Variants in SENP6 observed in about 807,000 individuals in gnomAD.
SENP6 encodes the protein SUMO specific peptidase 6.
In SENP6, 41 loss-of-function variants were observed where a neutral mutation model predicts 134.5. The ratio of observed to expected loss-of-function variants is 0.30; its 90% CI spans 0.24 to 0.40. The LOEUF (loss-of-function observed/expected upper bound fraction) is 0.40. Ranked by LOEUF, SENP6 falls within the 10% of genes least tolerant of loss-of-function variation. The pLI is 1.00. For synonymous variants in SENP6, 395 were observed against 429.8 expected (o/e 0.92, Z 1.00); for missense variants, 1,248 against 1,312.5 (o/e 0.95, Z 0.76).
rs1409098464 is a variant in SENP6, at chr6:75,663,867, A to G, written c.994+349A>G. Among the ~76,000 whole-genome samples the G allele has an allele frequency of 2.6e-5, 4 of 151,468 alleles. No individual in the cohort carries two copies. In the East Asian group the frequency reaches 7.7e-4, roughly 29 times the overall value. ...TAACATAAAGTATGCATAGCCCAAT[A>G]AAATATTTGACATACAATATCCTTA... is the stretch of plus-strand genomic sequence containing the variant. On this transcript the variant is annotated intron_variant, in intron 9 of 23. Coordinates refer to ENST00000447266, the MANE Select transcript of SENP6 (RefSeq NM_015571.4).
intron 1 of SENP6, among the ~76,000 whole-genome samples, chr6:75,612,241 T>A (rs1449813000): frequency 6.6e-6 from 1 of 152,160 alleles, no homozygotes; most frequent in Non-Finnish European, 1.5e-5. Flanking sequence ...CTTTGGAAAA[T>A]CTTGATAGTT....
rs549797280 is a variant in SENP6 at position 75,603,951 on chromosome 6, G to A, written c.52+1375G>A. 1.6e-4 allele frequency among the ~76,000 whole-genome samples: 24 copies of A among 152,270 alleles called. No homozygotes were observed. In the South Asian group the frequency reaches 4.1e-3, roughly 26 times the overall value. ...CGTATTACCTCCATTCCAGTTTGCG[G>A]AATGGGTACCTGTCGAGGCTGAGAG... On this transcript the variant is annotated intron_variant, in intron 1 of 23. Coordinates refer to ENST00000447266, the MANE Select transcript of SENP6 (RefSeq NM_015571.4).
At chr6:75,667,217 C>A (rs898361867) in intron 10 of SENP6, among the ~76,000 whole-genome samples, 2 of 152,122 alleles carry the variant, frequency 1.3e-5, no homozygotes, top group African/African-American at 2.4e-5. Context: ...CTTATAAAAT[C>A]TAGCAGAGGA....
At chr6:75,703,125 T>G in intron 19 of SENP6, 53 bp downstream of exon 19, 4 of 1,390,012 alleles carry the variant, frequency 2.9e-6, no homozygotes, top group Non-Finnish European at 3.9e-6. Flanking sequence ...AATCTGGATT[T>G]TTTAATAAAC....
chr6:75,651,360 T>C (rs1048288234), intron 7 of SENP6, among the ~76,000 whole-genome samples: 1 of 152,186 alleles, frequency 6.6e-6, no homozygotes, highest in African/African-American at 2.4e-5. Flanking sequence ...CTTTTGCTTT[T>C]TGTTCGTTTT....
chr6:75,700,427 G>A (rs949114193), intron 18 of SENP6, among the ~76,000 whole-genome samples: 2 of 152,202 alleles, frequency 1.3e-5, no homozygotes, highest in South Asian at 4.1e-4. Flanking sequence ...ATTAAGAACT[G>A]TGATAGGCTT....
At chr6:75,673,004 T>A (rs1391189695) in intron 11 of SENP6, among the ~76,000 whole-genome samples, 1 of 152,072 alleles carries the variant, frequency 6.6e-6, no homozygotes, top group African/African-American at 2.4e-5. Context: ...ATTTTTTGTA[T>A]TTTTAGTAGA....
chr6:75,688,117 C>A (rs980503847), intron 16 of SENP6, among the ~76,000 whole-genome samples: 7 of 152,234 alleles, frequency 4.6e-5, no homozygotes, highest in Non-Finnish European at 7.3e-5. Flanking sequence ...TGCCCCTCCC[C>A]CAGTCAGGCT....
intron 18 of SENP6, among the ~76,000 whole-genome samples, chr6:75,698,919 G>A (rs527854393): frequency 5.3e-5 from 8 of 151,612 alleles, no homozygotes; most frequent in Non-Finnish European, 1.2e-4. Flanking sequence ...GCTGAGGCAG[G>A]AGGATCGCCT....
intron 16 of SENP6, among the ~76,000 whole-genome samples, chr6:75,691,121 G>A (rs1169076901): frequency 6.6e-6 from 1 of 150,912 alleles, no homozygotes; most frequent in Non-Finnish European, 1.5e-5. Flanking sequence ...GGAATTACAG[G>A]CGATTACCAT....
Position 75,663,531 on chromosome 6 carries a change from C to T in SENP6, c.994+13C>T, listed in dbSNP as rs776373398. The T allele has an allele frequency of 2.6e-5, 41 of 1,590,884 alleles. No individual in the cohort carries two copies. The highest frequency in any genetic ancestry group is 4.3e-4 in the Middle Eastern group (2 of 4,674). ...CTAAATGATCCAAGTAAGTATTTTACTCCCTTTAATATTGCTTATATCAAT... is the reference window on the plus strand; with the variant it reads ...CTAAATGATCCAAGTAAGTATTTTATTCCCTTTAATATTGCTTATATCAAT... On this transcript the variant is annotated intron_variant, in intron 9 of 23. Coordinates refer to ENST00000447266, the MANE Select transcript of SENP6 (RefSeq NM_015571.4).
chr6:75,659,297 C>T lies in SENP6; in HGVS notation c.586C>T (p.Gln196Ter). The T allele has an allele frequency of 1.2e-6, 2 of 1,612,512 alleles. No homozygotes were observed. The highest frequency in any genetic ancestry group is 1.7e-6 in the Non-Finnish European group (2 of 1,178,864). ...GAAGAAAACAGAAGAGTCCGAATCA[C>T]AAGTGGAGCCTGAAATTAAGAGGAA... ...IMKKTEESES[Q>*]VEPEIKRKVQ... The change falls in exon 8 of 24, where the codon CAA becomes TAA. Residue 196 changes from glutamine to a stop codon, truncating the protein, a stop_gained. Transcript: ENST00000447266. LOFTEE classifies it high-confidence loss of function.
chr6:75,676,688 T>C (rs1419203663), intron 13 of SENP6: 1 of 166,872 alleles, frequency 6.0e-6, no homozygotes, highest in Non-Finnish European at 1.3e-5. Context: ...GGCAATTTTC[T>C]ATTTGTGTTT....
intron 16 of SENP6, among the ~76,000 whole-genome samples, chr6:75,686,812 T>C (rs893700488): frequency 6.6e-6 from 1 of 152,232 alleles, no homozygotes; most frequent in African/African-American, 2.4e-5. Context: ...AACCTTTCTC[T>C]CTGGCTGCCC....
At chr6:75,623,060 A>G (rs1310277220) in intron 2 of SENP6, among the ~76,000 whole-genome samples, 1 of 152,202 alleles carries the variant, frequency 6.6e-6, no homozygotes, top group African/African-American at 2.4e-5. Context: ...GAGACTTTTT[A>G]ATCATTAAAA....
rs536268843 is a variant in SENP6 at position 75,716,806 on chromosome 6, T to A, written c.*1212T>A. 6.0e-4 allele frequency: 91 copies of A among 152,126 alleles called. No homozygotes were observed. The highest frequency in any genetic ancestry group is 2.1e-3 in the African/African-American group (89 of 41,578). The allele number at this position is 152,126 out of a possible 1,614,324, so 9.4% of individuals were successfully genotyped here. Reference sequence around the variant, plus strand: ...TAAATATTGAATTTTTAAATACACATATATCAAAAATAGTTGAGAATAAAA... The same window carrying A: ...TAAATATTGAATTTTTAAATACACAAATATCAAAAATAGTTGAGAATAAAA... On this transcript the variant is annotated 3_prime_UTR_variant, in exon 24 of 24. Coordinates refer to ENST00000447266, the MANE Select transcript of SENP6 (RefSeq NM_015571.4).
intron 16 of SENP6, among the ~76,000 whole-genome samples, chr6:75,693,264 G>T (rs375839662): frequency 2.6e-4 from 39 of 152,160 alleles, no homozygotes; most frequent in African/African-American, 8.7e-4. Flanking sequence ...AATTAGCTGG[G>T]TGTGGTGGAG....
At position 75,670,682 on chromosome 6, in the gene SENP6, G is replaced by A. The variant is rs201769886; in HGVS notation, c.1354G>A (p.Val452Ile). The change falls in exon 11 of 24, where the codon GTA becomes ATA. Residue 452 changes from valine (V) to isoleucine (I), a missense_variant. This residue lies in a region of SENP6 where 733 missense variants were observed against 725.4 expected (regional missense o/e 1.01). Transcript: ENST00000447266. ...SVILNCRSIR[V>I]GTLFRLLIEP... ...CATTTTAAACTGTCGAAGTATACGA[G>A]TAGGAACACTCTTCCGGCTGTTAAT... 53 of 1,612,636 alleles carry A rather than the reference G, an allele frequency of 3.3e-5. No individual in the cohort carries two copies. The highest frequency in any genetic ancestry group is 6.8e-6 in the Non-Finnish European group (8 of 1,179,238).
chr6:75,608,587 A>G (rs921623119), intron 1 of SENP6, among the ~76,000 whole-genome samples: 91 of 152,340 alleles, frequency 6.0e-4, no homozygotes, highest in African/African-American at 2.1e-3. Context: ...GATTTTCGCT[A>G]GAAATGCATT....
Sources: allele counts gnomAD v4.1 joint callset (sites outside exome capture counted in the v4.1 genomes callset), GRCh38; gene constraint gnomAD v4.1.1; regional missense constraint gnomAD v4.1.1; transcripts MANE v1.5; gene names NCBI Gene and HGNC (gene_info 2026-07-23, HGNC 2026-07-21).